NUP188: variants seen among roughly 807,000 people sequenced by gnomAD.
NUP188 encodes nucleoporin 188, also known as nucleoporin NUP188.
In NUP188, 97 loss-of-function variants were observed where a neutral mutation model predicts 223.0. The ratio of observed to expected loss-of-function variants is 0.43; its 90% CI spans 0.37 to 0.51. The LOEUF is 0.51. Ranked by LOEUF, NUP188 falls within the 20% of genes least tolerant of loss-of-function variation. The probability of loss-of-function intolerance (pLI) is 0.00; values close to 1 mark genes in which losing one functional copy is unlikely to be tolerated. For missense variants in NUP188, 1,947 were observed against 2,175.6 expected (o/e 0.89, Z 2.09); for synonymous variants, 869 against 828.0 (o/e 1.05, Z -0.85).
At chr9:128,949,704 C>T (rs1301456508) in intron 2 of NUP188, among the ~76,000 whole-genome samples, 1 of 151,966 alleles carries the variant, frequency 6.6e-6, no homozygotes, top group Non-Finnish European at 1.5e-5. Context: ...TCCCAGCTCA[C>T]TGCAACCTCC....
intron 29 of NUP188, 142 bp downstream of exon 29, chr9:128,995,065 G>A (rs947524296): frequency 3.3e-5 from 23 of 688,902 alleles, no homozygotes; most frequent in Non-Finnish European, 5.6e-5. Context: ...AGTGAGCTGT[G>A]TTCCTGGCCA....
chr9:128,987,490 G>A, intron 22 of NUP188, 99 bp from the exon 23 acceptor site: 13 of 1,179,754 alleles, frequency 1.1e-5, no homozygotes, highest in African/African-American at 1.5e-5. Flanking sequence ...CCAGTGTCCA[G>A]TAGGTTAGGT....
rs140094753 is a variant in NUP188, at chr9:129,001,607, C to T, written c.3922C>T (p.Arg1308Cys). ...TGGTGACTCCTGGCTGCAGGTAACC[C>T]GCAGGCTCCCCATCCTACCCACCCT... ...EDGDSWLQVT[R>C]RLPILPTLLT... Residue 1308 changes from arginine (R) to cysteine (C), a missense_variant, in exon 35 of 44, where the codon CGC becomes TGC. Arg to Cys is a radical substitution (Grantham distance 180). Coordinates refer to ENST00000372577, the MANE Select transcript of NUP188 (RefSeq NM_015354.3). 42 of 1,613,878 alleles carry T rather than the reference C, an allele frequency of 2.6e-5. No individual in the cohort carries two copies. The African/African-American group carries it at 3.1e-4, about 12-fold the overall frequency.
chr9:128,966,675 G>T (rs1216504352), intron 8 of NUP188, among the ~76,000 whole-genome samples: 1 of 152,056 alleles, frequency 6.6e-6, no homozygotes, highest in Non-Finnish European at 1.5e-5. Flanking sequence ...ATTTGATTCT[G>T]TTATCAGAGA....
intron 19 of NUP188, 115 bp from the exon 20 acceptor site, chr9:128,984,785 A>G: frequency 1.7e-6 from 1 of 604,764 alleles, no homozygotes; most frequent in South Asian, 2.4e-5. Flanking sequence ...TCCACTGGAG[A>G]GCTTTTCTAT....
chr9:128,974,821 C>T (rs971568892), intron 12 of NUP188, among the ~76,000 whole-genome samples: 2 of 150,650 alleles, frequency 1.3e-5, no homozygotes, highest in African/African-American at 4.9e-5. Context: ...TACAGTGGCG[C>T]GATCTCGTCC....
At chr9:128,976,667 G>T (rs1052207636) in intron 12 of NUP188, among the ~76,000 whole-genome samples, 32 of 149,184 alleles carry the variant, frequency 2.1e-4, no homozygotes, top group Non-Finnish European at 2.4e-4. Context: ...GCAAAACTTT[G>T]TCTCCAAAAA....
chr9:128,955,093 C>T (rs1444410055), intron 3 of NUP188, among the ~76,000 whole-genome samples: 9 of 151,768 alleles, frequency 5.9e-5, no homozygotes, highest in Admixed American at 3.3e-4. Flanking sequence ...TCAGGTGATC[C>T]GCCCGCCTCA....
At chr9:128,959,527 CTT>C (rs1303364478) in intron 8 of NUP188, among the ~76,000 whole-genome samples, 26 of 123,870 alleles carry the variant, frequency 2.1e-4, no homozygotes, top group Admixed American at 3.3e-4. Flanking sequence ...TACAGATTAT[CTT>C]TTTTTTTTTT....
intron 8 of NUP188, among the ~76,000 whole-genome samples, chr9:128,966,041 T>C (rs1842022360): frequency 6.6e-6 from 1 of 151,804 alleles, no homozygotes; most frequent in South Asian, 2.1e-4. Context: ...ATGATCTGCC[T>C]GCCTCGGCCT....
chr9:128,973,174 T>G lies in NUP188; in HGVS notation c.1128T>G (p.Thr376=). The G allele has an allele frequency of 6.2e-7, 1 of 1,612,924 alleles. No homozygotes were observed. The highest frequency in any genetic ancestry group is 8.5e-7 in the Non-Finnish European group (1 of 1,179,278). The change falls in exon 12 of 44, where the codon ACT becomes ACG. Residue 376 remains threonine (T), a synonymous_variant. Transcript: ENST00000372577. The stretch of plus-strand genomic sequence containing the variant: ...TGTCATTCCAGTGCACCACCAGCAC[T>G]GCATGCATGTGTGTCTATGGACTGC... ...ASGGNDCTTS[T]ACMCVYGLLS...
chr9:128,977,915 A>G (rs956253583), intron 12 of NUP188, among the ~76,000 whole-genome samples: 4 of 152,082 alleles, frequency 2.6e-5, no homozygotes, highest in African/African-American at 9.7e-5. Flanking sequence ...ACATTATCTC[A>G]TTTAATCCTT....
intron 8 of NUP188, chr9:128,964,293 A>G: frequency 2.6e-6 from 1 of 392,138 alleles, no homozygotes; most frequent in Non-Finnish European, 5.0e-6. Flanking sequence ...TGTAAATATA[A>G]GCTATTTACC....
At chr9:129,003,933 A>G (rs901035737) in intron 38 of NUP188, 1 of 249,446 alleles carries the variant, frequency 4.0e-6, no homozygotes, top group African/African-American at 2.4e-5. Flanking sequence ...GGATCGAACC[A>G]TTACACTCCA....
intron 2 of NUP188, 142 bp from the exon 3 acceptor site, chr9:128,952,631 G>A (rs1180180001): frequency 2.0e-5 from 11 of 558,054 alleles, no homozygotes; most frequent in South Asian, 5.8e-5. Context: ...GCTGAGGCTC[G>A]AGAATCACTT....
chr9:129,003,328 A>C lies in NUP188; in HGVS notation c.4308A>C (p.Ala1436=), dbSNP rs779636801. 5.0e-6 allele frequency: 8 copies of C among 1,607,814 alleles called. No individual in the cohort carries two copies. Among genetic ancestry groups the C allele is most frequent in the Non-Finnish European group, 6.8e-6 (8 of 1,178,810 alleles). ...HQERTLQCLN[A]VRTVQSLACL... is the part of the protein sequence containing the mutation. Reference sequence around the variant, plus strand: ...TGCTTTCCTCCCAGTGCCTCAACGCAGTGAGGACAGTGCAGAGTCTGGCCT... The same window carrying C: ...TGCTTTCCTCCCAGTGCCTCAACGCCGTGAGGACAGTGCAGAGTCTGGCCT... The change falls in exon 38 of 44, where the codon GCA becomes GCC. Residue 1436 remains alanine (A), a synonymous_variant. Transcript: ENST00000372577.
chr9:128,995,158 C>A (rs1036919793), intron 29 of NUP188, 161 bp from the exon 30 acceptor site: 9 of 643,500 alleles, frequency 1.4e-5, no homozygotes, highest in Non-Finnish European at 2.5e-5. Context: ...GAGGAGGAAT[C>A]CTGGAAAGGC....
chr9:128,965,344 A>G (rs1842012766), intron 8 of NUP188, among the ~76,000 whole-genome samples: 1 of 152,132 alleles, frequency 6.6e-6, no homozygotes, highest in Admixed American at 6.6e-5. Flanking sequence ...AAATCTATTT[A>G]CATAAGGCTG....
intron 2 of NUP188, among the ~76,000 whole-genome samples, chr9:128,951,642 A>G (rs890100183): frequency 6.6e-6 from 1 of 152,236 alleles, no homozygotes. Flanking sequence ...CAAGACTTTC[A>G]TAATAAGGTT....
Sources: allele counts gnomAD v4.1 joint callset (sites outside exome capture counted in the v4.1 genomes callset), GRCh38; gene constraint gnomAD v4.1.1; transcripts MANE v1.5; gene names NCBI Gene and HGNC (gene_info 2026-07-23, HGNC 2026-07-21).